Variants in GRIN2B observed in about 807,000 individuals in gnomAD.
The protein encoded by GRIN2B is glutamate ionotropic receptor NMDA type subunit 2B.
A neutral mutation model predicts 114.5 loss-of-function variants in GRIN2B; 5 were observed. That is an observed-to-expected ratio of 0.04 (90% CI 0.02 to 0.09). The LOEUF (loss-of-function observed/expected upper bound fraction) is 0.09. Ranked by LOEUF, GRIN2B falls within the 10% of genes least tolerant of loss-of-function variation. The pLI is 1.00. For missense variants in GRIN2B, 1,108 were observed against 1,943.5 expected (o/e 0.57, Z 8.08); for synonymous variants, 787 against 745.1 (o/e 1.06, Z -0.92).
chr12:13,768,576 C>A (rs1309400844), intron 3 of GRIN2B, among the ~76,000 whole-genome samples: 1 of 152,204 alleles, frequency 6.6e-6, no homozygotes, highest in Non-Finnish European at 1.5e-5. Context: ...TTGAGGAAGA[C>A]CCAGTAGGGA....
intron 4 of GRIN2B, among the ~76,000 whole-genome samples, chr12:13,701,534 A>G (rs1160657109): frequency 6.6e-6 from 1 of 152,078 alleles, no homozygotes; most frequent in East Asian, 1.9e-4. Context: ...AAAAAAGAAA[A>G]AAAAACAGAC....
intron 4 of GRIN2B, among the ~76,000 whole-genome samples, chr12:13,723,397 C>A (rs1056096347): frequency 7.2e-5 from 11 of 151,834 alleles, no homozygotes; most frequent in Non-Finnish European, 1.3e-4. Context: ...CAATGCTCAA[C>A]CAGATAATGT....
chr12:13,721,876 A>C (rs1862887728), intron 4 of GRIN2B, among the ~76,000 whole-genome samples: 1 of 152,310 alleles, frequency 6.6e-6, no homozygotes, highest in African/African-American at 2.4e-5. Flanking sequence ...TGGTGGGTAG[A>C]AAAGAACAGA....
At chr12:13,981,817 G>C (rs557661981), upstream of GRIN2B, 2 of 152,992 alleles carry the variant, frequency 1.3e-5, no homozygotes, top group African/African-American at 2.4e-5. Context: ...ACCGGGGACG[G>C]GGGGAGGCGC....
chr12:13,663,958 C>T (rs1949949973), intron 5 of GRIN2B, among the ~76,000 whole-genome samples: 1 of 152,126 alleles, frequency 6.6e-6, no homozygotes, highest in Admixed American at 6.6e-5. Flanking sequence ...TTAGTTTTAA[C>T]AAAATTAAAA....
At chr12:13,725,227 G>C (rs1473876553) in intron 4 of GRIN2B, among the ~76,000 whole-genome samples, 1 of 152,026 alleles carries the variant, frequency 6.6e-6, no homozygotes, top group Non-Finnish European at 1.5e-5. Context: ...GGAAATCAAA[G>C]AGCAGATCAG....
At chr12:13,752,268 AT>A (rs1863495721) in intron 4 of GRIN2B, among the ~76,000 whole-genome samples, 1 of 152,214 alleles carries the variant, frequency 6.6e-6, no homozygotes, top group Non-Finnish European at 1.5e-5. Context: ...TCTTAATACA[AT>A]TAAAAATAAT....
rs577866947 is a variant in GRIN2B at position 13,606,184 on chromosome 12, CTA to C, written c.2010+2417_2010+2418del. Among the ~76,000 whole-genome samples, 17 of 152,088 alleles carry C rather than the reference CTA, an allele frequency of 1.1e-4. No homozygotes were observed. The South Asian group carries it at 3.1e-3, about 28-fold the overall frequency. On this transcript the variant is annotated intron_variant, in intron 10 of 13. Coordinates refer to ENST00000609686, the MANE Select transcript of GRIN2B (RefSeq NM_000834.5). Reference sequence around the variant, plus strand: ...TGGTGCGTTAGTGCATTTTATGTTGCTATAGAGGAATACCTGAGACTAGGTAA... The same window carrying C: ...TGGTGCGTTAGTGCATTTTATGTTGCTAGAGGAATACCTGAGACTAGGTAA...
chr12:13,854,189 A>T (rs1865619146), intron 3 of GRIN2B, among the ~76,000 whole-genome samples: 1 of 152,156 alleles, frequency 6.6e-6, no homozygotes, highest in Non-Finnish European at 1.5e-5. Context: ...TCAGCACCAC[A>T]CTTAAACACA....
intron 5 of GRIN2B, among the ~76,000 whole-genome samples, chr12:13,626,123 T>A (rs1949563523): frequency 6.6e-6 from 1 of 152,124 alleles, no homozygotes; most frequent in African/African-American, 2.4e-5. Flanking sequence ...AGCTCTACCT[T>A]CTCCTTTGAT....
intron 4 of GRIN2B, among the ~76,000 whole-genome samples, chr12:13,734,120 C>T (rs1412589992): frequency 6.6e-6 from 1 of 152,178 alleles, no homozygotes; most frequent in Non-Finnish European, 1.5e-5. Flanking sequence ...TTCTAAGTTT[C>T]AATTTGCTAA....
Position 13,835,751 on chromosome 12 carries a change from A to C in GRIN2B, c.411+30047T>G, listed in dbSNP as rs571813711. Among the ~76,000 whole-genome samples the C allele has an allele frequency of 3.5e-3, 490 of 138,364 alleles. 2 individuals carry two copies. Among genetic ancestry groups the C allele is most frequent in the Non-Finnish European group, 6.6e-3 (429 of 64,990 alleles). 90.8% of individuals were successfully genotyped at this position (138,364 alleles called of 152,430 possible). A position where few individuals can be genotyped will look rare whatever the true frequency, so the allele number is the denominator to read the frequency against. ...TGTAAAGAGGCACAGGAGTTGTATG[A>C]GAGGGAAAACATAGCACATTAAAAA... is the stretch of plus-strand genomic sequence containing the variant. On this transcript the variant is annotated intron_variant, in intron 3 of 13. Coordinates refer to ENST00000609686, the MANE Select transcript of GRIN2B (RefSeq NM_000834.5).
intron 4 of GRIN2B, among the ~76,000 whole-genome samples, chr12:13,725,325 G>T (rs1387226896): frequency 6.6e-6 from 1 of 152,110 alleles, no homozygotes; most frequent in Non-Finnish European, 1.5e-5. Context: ...GGTGGAGGAG[G>T]ATGTGCAGGT....
chr12:13,830,175 G>A (rs567794866), intron 3 of GRIN2B, among the ~76,000 whole-genome samples: 2 of 152,192 alleles, frequency 1.3e-5, no homozygotes, highest in East Asian at 3.9e-4. Flanking sequence ...TTATAACTTG[G>A]GCAGCAACCC....
intron 2 of GRIN2B, among the ~76,000 whole-genome samples, chr12:13,944,748 C>T: frequency 6.6e-6 from 1 of 152,140 alleles, no homozygotes; most frequent in East Asian, 1.9e-4. Context: ...AAAAAAGAAA[C>T]ATTTCTTATA....
intron 4 of GRIN2B, among the ~76,000 whole-genome samples, chr12:13,748,322 A>G (rs1000432722): frequency 1.3e-5 from 2 of 152,260 alleles, no homozygotes; most frequent in African/African-American, 4.8e-5. Context: ...TCAGGACAGA[A>G]AGAGAGCACA....
intron 4 of GRIN2B, among the ~76,000 whole-genome samples, chr12:13,705,672 T>C (rs566722537): frequency 6.6e-6 from 1 of 152,304 alleles, no homozygotes; most frequent in East Asian, 1.9e-4. Context: ...AAGTCATTGA[T>C]GAGATCTCCA....
intron 3 of GRIN2B, among the ~76,000 whole-genome samples, chr12:13,817,324 A>T (rs1864844222): frequency 6.8e-6 from 1 of 146,218 alleles, no homozygotes; most frequent in African/African-American, 2.4e-5. Context: ...GGCTGGAGCA[A>T]CGCCCACTGA....
At chr12:13,838,015 C>G (rs1446916093) in intron 3 of GRIN2B, among the ~76,000 whole-genome samples, 1 of 152,084 alleles carries the variant, frequency 6.6e-6, no homozygotes, top group Non-Finnish European at 1.5e-5. Flanking sequence ...TTTGCTTTTT[C>G]TCTAGTTGGA....
Sources: allele counts gnomAD v4.1 joint callset (sites outside exome capture counted in the v4.1 genomes callset), GRCh38; gene constraint gnomAD v4.1.1; transcripts MANE v1.5; gene names NCBI Gene and HGNC (gene_info 2026-07-23, HGNC 2026-07-21).